ZNF37A: variants seen among roughly 807,000 people sequenced by gnomAD.
The protein encoded by ZNF37A is zinc finger protein 37a (KOX 21).
Under a neutral mutation model 12.3 loss-of-function variants are expected in ZNF37A, and 10 were observed. The ratio of observed to expected loss-of-function variants is 0.82; its 90% CI spans 0.50 to 1.38. The LOEUF (loss-of-function observed/expected upper bound fraction) is 1.38. Among genes scored for constraint, ZNF37A ranks in the 40% most tolerant of loss-of-function variants. The probability of loss-of-function intolerance (pLI) is 0.00; values close to 1 mark genes in which losing one functional copy is unlikely to be tolerated. For synonymous variants in ZNF37A, 207 were observed against 223.0 expected (o/e 0.93, Z 0.64); for missense variants, 580 against 651.2 (o/e 0.89, Z 1.19).
downstream of ZNF37A, among the ~76,000 whole-genome samples, chr10:38,125,996 T>C (rs2136070961): frequency 6.6e-6 from 1 of 152,142 alleles, no homozygotes; most frequent in East Asian, 1.9e-4. Context: ...CTTGGGAGAA[T>C]TCAGTATCAG....
Position 38,121,735 on chromosome 10 carries a change from ATTG to A in ZNF37A, c.*2903_*2905del, listed in dbSNP as rs2069708973. ...TAAATATATAGGAACAAATAAATAA[ATTG>A]TTGTGTGTGCACATATGCATATATT... On this transcript the variant is annotated 3_prime_UTR_variant, in exon 8 of 8. Coordinates refer to ENST00000685332, the MANE Select transcript of ZNF37A (RefSeq NM_001324250.3). 1.3e-5 allele frequency: 2 copies of A among 152,184 alleles called. No individual in the cohort carries two copies. Among genetic ancestry groups the A allele is most frequent in the South Asian group, 2.1e-4 (1 of 4,834 alleles). 9.4% of individuals were successfully genotyped at this position (152,184 alleles called of 1,614,324 possible).
In ZNF37A at chr10:38,117,892, G is replaced by A. The variant is rs1312019012; in HGVS notation, c.741G>A (p.Glu247=). 1.9e-6 allele frequency: 3 copies of A among 1,614,002 alleles called. No homozygotes were observed. In the African/African-American group the frequency reaches 4.0e-5, roughly 22 times the overall value. ...TTAACAATATTATTGAATATAATGAGTGTGGAACATTTTTCAGTGAAAAAT... is the reference window on the plus strand; with the variant it reads ...TTAACAATATTATTGAATATAATGAATGTGGAACATTTTTCAGTGAAAAAT... The part of the protein sequence containing the change: ...HSINNIIEYN[E]CGTFFSEKLV... Residue 247 remains glutamate (E), a synonymous_variant, in exon 8 of 8, where the codon GAG becomes GAA. Coordinates refer to ENST00000685332, the MANE Select transcript of ZNF37A (RefSeq NM_001324250.3).
At chr10:38,117,095 C>A (rs147044223) in intron 7 of ZNF37A, 3 of 807,768 alleles carry the variant, frequency 3.7e-6, no homozygotes, top group Non-Finnish European at 4.5e-6. Flanking sequence ...GATGACAGAG[C>A]AAGACTCTGT....
intron 5 of ZNF37A, among the ~76,000 whole-genome samples, chr10:38,104,275 CTGT>C (rs2067843809): frequency 2.0e-5 from 3 of 152,134 alleles, no homozygotes; most frequent in African/African-American, 7.2e-5. Context: ...AAAGACAAGC[CTGT>C]GAGCCACTTC....
exon 8 of ZNF37A, chr10:38,149,029 G>T (rs2070292632): frequency 6.6e-6 from 1 of 151,692 alleles, no homozygotes; most frequent in South Asian, 2.1e-4. Context: ...GTAGAGACGG[G>T]GTTTCACCAT....
At chr10:38,104,771 T>TAC (rs1420577514) in intron 5 of ZNF37A, among the ~76,000 whole-genome samples, 1 of 147,762 alleles carries the variant, frequency 6.8e-6, no homozygotes, top group Admixed American at 7.1e-5. Flanking sequence ...TGTGTATGTA[T>TAC]ACATACACAC....
At chr10:38,136,005 T>C (rs901070940) in intron 7 of ZNF37A, among the ~76,000 whole-genome samples, 4 of 152,234 alleles carry the variant, frequency 2.6e-5, no homozygotes, top group African/African-American at 4.8e-5. Flanking sequence ...CTCTTTAGCA[T>C]ATATTGCAGG....
At chr10:38,105,714 T>C (rs2504120) in intron 5 of ZNF37A, among the ~76,000 whole-genome samples, 73,108 of 151,780 alleles carry the variant, frequency 0.48, 17,743 homozygotes, top group East Asian at 0.54. Flanking sequence ...GAAGGGGACA[T>C]ACATTCAGAC....
At chr10:38,126,389 T>A (rs2069927794), downstream of ZNF37A, among the ~76,000 whole-genome samples, 1 of 152,112 alleles carries the variant, frequency 6.6e-6, no homozygotes, top group Admixed American at 6.5e-5. Flanking sequence ...TCTTCCTTAC[T>A]CCCCTTAATT....
At chr10:38,149,973 T>C (rs777548713) in exon 8 of ZNF37A, 1 of 152,234 alleles carries the variant, frequency 6.6e-6, no homozygotes, top group African/African-American at 2.4e-5. Context: ...CTTTGCGTTA[T>C]GTCCAGTGCC....
rs1402878997 is a variant in ZNF37A, at chr10:38,123,516, C to G, written c.*4679C>G. ...CTCCCTTGATCAAAACACCTTCCAC[C>G]AAGACCCACCTTTAACGCTGAGCAT... On this transcript the variant is annotated 3_prime_UTR_variant, in exon 8 of 8. Transcript: ENST00000685332. 1 of 151,896 alleles carries G rather than the reference C, an allele frequency of 6.6e-6. No homozygotes were observed. The highest frequency in any genetic ancestry group is 1.5e-5 in the Non-Finnish European group (1 of 67,998). The allele number at this position is 151,896 out of a possible 1,614,324, so 9.4% of individuals were successfully genotyped here. A position where few individuals can be genotyped will look rare whatever the true frequency, so the allele number is the denominator to read the frequency against.
At chr10:38,141,963 A>G (rs2070189845) in intron 7 of ZNF37A, 1 of 152,160 alleles carries the variant, frequency 6.6e-6, no homozygotes, top group South Asian at 2.1e-4. Flanking sequence ...TACAAAAAGT[A>G]ACCGGGCATA....
chr10:38,099,946 T>C (rs764569288), intron 5 of ZNF37A, among the ~76,000 whole-genome samples: 11 of 152,224 alleles, frequency 7.2e-5, no homozygotes, highest in Non-Finnish European at 1.3e-4. Context: ...TTGGGGAACC[T>C]GCTCCGATAG....
chr10:38,130,289 T>C (rs2070004203), downstream of ZNF37A, among the ~76,000 whole-genome samples: 1 of 152,230 alleles, frequency 6.6e-6, no homozygotes. Flanking sequence ...CATGGGCACA[T>C]GGGTGATTTG....
intron 7 of ZNF37A, chr10:38,143,506 C>T (rs1812661643): frequency 6.6e-6 from 1 of 152,150 alleles, no homozygotes; most frequent in African/African-American, 2.4e-5. Flanking sequence ...AGAACTGCAC[C>T]AGACCCAATC....
intron 5 of ZNF37A, among the ~76,000 whole-genome samples, chr10:38,110,110 A>G (rs556811296): frequency 6.6e-6 from 1 of 152,342 alleles, no homozygotes; most frequent in East Asian, 1.9e-4. Flanking sequence ...AGGCTACAGT[A>G]ACCAAAACAG....
chr10:38,104,350 A>C (rs1421221892), intron 5 of ZNF37A, among the ~76,000 whole-genome samples: 1 of 152,202 alleles, frequency 6.6e-6, no homozygotes, highest in African/African-American at 2.4e-5. Flanking sequence ...AACAAGGTGC[A>C]TACTGTCCAC....
At chr10:38,147,739 T>C (rs887444022) in exon 8 of ZNF37A, 1 of 152,192 alleles carries the variant, frequency 6.6e-6, no homozygotes, top group Non-Finnish European at 1.5e-5. Flanking sequence ...GCATAGCTGC[T>C]CTGCTCATTC....
intron 5 of ZNF37A, among the ~76,000 whole-genome samples, chr10:38,110,184 C>T (rs2068515136): frequency 6.6e-6 from 1 of 152,026 alleles, no homozygotes; most frequent in Admixed American, 6.6e-5. Context: ...TCAGGAGTAC[C>T]ACACGTCTAC....
Sources: allele counts gnomAD v4.1 joint callset (sites outside exome capture counted in the v4.1 genomes callset), GRCh38; gene constraint gnomAD v4.1.1; transcripts MANE v1.5; gene names NCBI Gene and HGNC (gene_info 2026-07-23, HGNC 2026-07-21).